TBC1D9: variants seen among roughly 807,000 people sequenced by gnomAD.
The protein encoded by TBC1D9 is TBC1 domain family member 9A.
A neutral mutation model predicts 132.0 loss-of-function variants in TBC1D9; 63 were observed. The observed-to-expected ratio is 0.48, with a 90% CI of 0.39 to 0.59. The LOEUF (loss-of-function observed/expected upper bound fraction) is 0.59, where lower values mean the gene tolerates loss of function less well. Ranked by LOEUF, TBC1D9 falls within the 20% of genes least tolerant of loss-of-function variation. The probability of loss-of-function intolerance (pLI) is 0.00; values close to 1 mark genes in which losing one functional copy is unlikely to be tolerated. For synonymous variants in TBC1D9, 610 were observed against 609.9 expected (o/e 1.00, Z 0.00); for missense variants, 1,261 against 1,592.7 (o/e 0.79, Z 3.54).
intron 1 of TBC1D9, among the ~76,000 whole-genome samples, chr4:140,720,769 G>T (rs1306068034): frequency 2.0e-5 from 3 of 152,228 alleles, no homozygotes; most frequent in African/African-American, 7.2e-5. Context: ...CCTTTGAAGA[G>T]CTGGTTTCTA....
chr4:140,746,447 G>A (rs972913932), intron 1 of TBC1D9, among the ~76,000 whole-genome samples: 12 of 152,028 alleles, frequency 7.9e-5, no homozygotes, highest in Admixed American at 2.6e-4. Flanking sequence ...CAAATGGGGG[G>A]TGGTTATAAG....
rs1415339075 is a variant in TBC1D9, at chr4:140,627,445, T to C, written c.2895A>G (p.Thr965=). The C allele has an allele frequency of 3.1e-6, 5 of 1,596,876 alleles. No individual in the cohort carries two copies. Among genetic ancestry groups the C allele is most frequent in the Non-Finnish European group, 2.6e-6 (3 of 1,166,156 alleles). ...TTGGTGAGAAAAGTCACTTACCATGTGTACATTCTGGGGTAATATCTTCAA... is the reference window on the plus strand; with the variant it reads ...TTGGTGAGAAAAGTCACTTACCATGCGTACATTCTGGGGTAATATCTTCAA... ...YFFEDITPEC[T]HVVGLDSRSK... is the part of the protein sequence containing the mutation. Residue 965 remains threonine, a synonymous_variant, in exon 18 of 21, where the codon ACA becomes ACG. Transcript: ENST00000442267.
Position 140,658,804 on chromosome 4 carries a change from G to T in TBC1D9, c.1921+784C>A, listed in dbSNP as rs892077241. ...CCAACCTGGGCGACAGAGCGAGATG[G>T]TCTTAAAAAAAAAAAAAAATCACAC... On this transcript the variant is annotated intron_variant, in intron 11 of 20. Transcript: ENST00000442267. 9.9e-4 allele frequency among the ~76,000 whole-genome samples: 149 copies of T among 149,980 alleles called. 1 individual carries two copies. Among genetic ancestry groups the T allele is most frequent in the African/African-American group, 3.5e-3 (143 of 40,688 alleles).
chr4:140,746,857 A>C (rs1162910461), intron 1 of TBC1D9, among the ~76,000 whole-genome samples: 2 of 152,096 alleles, frequency 1.3e-5, no homozygotes, highest in Non-Finnish European at 2.9e-5. Context: ...CAGCCAAAGC[A>C]TATCAGTCTT....
intron 1 of TBC1D9, among the ~76,000 whole-genome samples, chr4:140,753,509 G>A (rs1393027085): frequency 6.6e-6 from 1 of 152,192 alleles, no homozygotes; most frequent in Non-Finnish European, 1.5e-5. Context: ...TATTGTCTAT[G>A]TTTTTACAAG....
chr4:140,678,616 A>G (rs1323528236), intron 5 of TBC1D9, among the ~76,000 whole-genome samples: 4 of 152,126 alleles, frequency 2.6e-5, no homozygotes, highest in Non-Finnish European at 4.4e-5. Context: ...TCACCTCTTC[A>G]GAGCCCAGCT....
chr4:140,651,204 C>T (rs868675383), intron 13 of TBC1D9, among the ~76,000 whole-genome samples: 4 of 152,214 alleles, frequency 2.6e-5, no homozygotes, highest in South Asian at 2.1e-4. Flanking sequence ...CACAGTGGCT[C>T]ATGCCTATAA....
At chr4:140,749,366 T>C (rs1235223745) in intron 1 of TBC1D9, among the ~76,000 whole-genome samples, 2 of 152,170 alleles carry the variant, frequency 1.3e-5, no homozygotes, top group Non-Finnish European at 2.9e-5. Flanking sequence ...AAAAGAATTA[T>C]TCCCATATCC....
Position 140,639,078 on chromosome 4 carries a change from C to A in TBC1D9, c.2505+8G>T. 1 of 1,580,080 alleles carries A rather than the reference C, an allele frequency of 6.3e-7. No homozygotes were observed. Among genetic ancestry groups the A allele is most frequent in the Non-Finnish European group, 8.6e-7 (1 of 1,161,322 alleles). On this transcript the variant is annotated splice_region_variant and intron_variant, in intron 15 of 20. Transcript: ENST00000442267. ...TTTGAATGGGCATGAATTTACCTTG[C>A]AACTCACCTTGAAAAGAGCATAAAG...
At position 140,669,770 on chromosome 4, in the gene TBC1D9, C is replaced by T; in HGVS notation, c.1301G>A (p.Ser434Asn). The change falls in exon 8 of 21, where the codon AGC becomes AAC. Residue 434 changes from serine to asparagine, a missense_variant. By Grantham distance (46) the Ser-to-Asn change is conservative. This residue lies in a region of TBC1D9 where 550 missense variants were observed against 699.0 expected (regional missense o/e 0.79). Transcript: ENST00000442267. Reference sequence around the variant, plus strand: ...ATCAGAGCTCGTGCTTCTCTGGGGGCTGGAGGAGACGAGGCTGCTGGGTCG... The same window carrying T: ...ATCAGAGCTCGTGCTTCTCTGGGGGTTGGAGGAGACGAGGCTGCTGGGTCG... ...YSRPSSLVSS[S>N]PQRSTSSDAD... 1 of 1,613,850 alleles carries T rather than the reference C, an allele frequency of 6.2e-7. No individual in the cohort carries two copies. The highest frequency in any genetic ancestry group is 1.1e-5 in the South Asian group (1 of 91,082).
intron 1 of TBC1D9, among the ~76,000 whole-genome samples, chr4:140,705,322 T>G (rs764143264): frequency 2.0e-5 from 3 of 152,218 alleles, no homozygotes; most frequent in Non-Finnish European, 4.4e-5. Flanking sequence ...GCCTCTATAA[T>G]GCCTATTACA....
intron 6 of TBC1D9, among the ~76,000 whole-genome samples, chr4:140,676,639 C>T (rs1004799957): frequency 3.3e-5 from 5 of 151,930 alleles, no homozygotes; most frequent in East Asian, 1.9e-4. Context: ...GGTGACAGAG[C>T]GAGACTGTCT....
chr4:140,643,584 G>T lies in TBC1D9; in HGVS notation c.2338-4156C>A, dbSNP rs556213621. 6.3e-4 allele frequency: 563 copies of T among 888,646 alleles called. 7 individuals carry two copies. The South Asian group carries it at 8.8e-3, about 14-fold the overall frequency. The allele number at this position is 888,646 out of a possible 1,614,324, so 55.0% of individuals were successfully genotyped here. ...GCTGGGCTGGGGCTCGCTCAGGGCCGCCTGGGCCAGGCCTTCCTCCGGCGC... is the reference window on the plus strand; with the variant it reads ...GCTGGGCTGGGGCTCGCTCAGGGCCTCCTGGGCCAGGCCTTCCTCCGGCGC... On this transcript the variant is annotated intron_variant, in intron 13 of 20. Transcript: ENST00000442267.
chr4:140,674,488 G>C (rs2111013367), intron 6 of TBC1D9, among the ~76,000 whole-genome samples: 1 of 152,138 alleles, frequency 6.6e-6, no homozygotes, highest in East Asian at 1.9e-4. Flanking sequence ...AATAAATTAT[G>C]TATATACTTT....
At chr4:140,635,049 G>T (rs1346117822) in intron 15 of TBC1D9, among the ~76,000 whole-genome samples, 1 of 152,122 alleles carries the variant, frequency 6.6e-6, no homozygotes, top group Non-Finnish European at 1.5e-5. Flanking sequence ...CCCCACACAG[G>T]CATTTATAGT....
At chr4:140,639,300 A>G (rs2110976286) in intron 14 of TBC1D9, 30 bp downstream of exon 14, 1 of 1,556,644 alleles carries the variant, frequency 6.4e-7, no homozygotes, top group East Asian at 2.3e-5. Context: ...AAGATGACAG[A>G]GGTTGCCTGC....
At chr4:140,716,476 CA>C (rs1475344619) in intron 1 of TBC1D9, among the ~76,000 whole-genome samples, 2 of 151,750 alleles carry the variant, frequency 1.3e-5, no homozygotes, top group African/African-American at 4.8e-5. Flanking sequence ...GGTGACAAAG[CA>C]AGACCCTGTC....
intron 10 of TBC1D9, among the ~76,000 whole-genome samples, chr4:140,660,917 C>CTTTTTTT (rs33928591): frequency 6.7e-6 from 1 of 149,000 alleles, no homozygotes; most frequent in Non-Finnish European, 1.5e-5. Flanking sequence ...TTGATTCTTT[C>CTTTTTTT]TTTTTTTTTT....
At chr4:140,623,444 A>G (rs903726739) in intron 20 of TBC1D9, among the ~76,000 whole-genome samples, 20 of 152,240 alleles carry the variant, frequency 1.3e-4, no homozygotes, top group Non-Finnish European at 5.9e-5. Context: ...ATCCATGTAC[A>G]GCTCACCTCG....
Sources: allele counts gnomAD v4.1 joint callset (sites outside exome capture counted in the v4.1 genomes callset), GRCh38; gene constraint gnomAD v4.1.1; regional missense constraint gnomAD v4.1.1; transcripts MANE v1.5; gene names NCBI Gene and HGNC (gene_info 2026-07-23, HGNC 2026-07-21).